The following PCNX2 variants were observed in gnomAD, a reference collection of about 807,000 sequenced individuals.
The protein encoded by PCNX2 is pecanex-like protein 2.
In PCNX2, 168 loss-of-function variants were observed where a neutral mutation model predicts 223.8. That is an observed-to-expected ratio of 0.75 (90% CI 0.66 to 0.85). PCNX2 has a LOEUF of 0.85. Ranked by LOEUF, PCNX2 falls within the 40% of genes least tolerant of loss-of-function variation. The pLI is 0.00. For synonymous variants in PCNX2, 1,006 were observed against 1,052.6 expected, an observed-to-expected ratio of 0.96 and a Z score of 0.86; for missense variants, 2,507 against 2,675.5, an observed-to-expected ratio of 0.94 and a Z score of 1.39.
chr1:232,985,824 T>C, intron 33 of PCNX2: 1 of 602,632 alleles, frequency 1.7e-6, no homozygotes, highest in Non-Finnish European at 3.0e-6. Flanking sequence ...GCCACAGTTC[T>C]GCAGAACCTC....
chr1:233,037,471 C>T (rs1310999758), intron 25 of PCNX2, among the ~76,000 whole-genome samples: 1 of 150,652 alleles, frequency 6.6e-6, no homozygotes, highest in African/African-American at 2.4e-5. Context: ...GCTGGGACCT[C>T]AGGCAGGCAC....
intron 1 of PCNX2, among the ~76,000 whole-genome samples, chr1:233,282,535 G>A (rs997018641): frequency 6.6e-6 from 1 of 151,964 alleles, no homozygotes; most frequent in African/African-American, 2.4e-5. Context: ...CACCTCATAC[G>A]CCTCTGGTTC....
At chr1:233,168,888 TA>T (rs1445660230) in intron 17 of PCNX2, among the ~76,000 whole-genome samples, 1 of 152,120 alleles carries the variant, frequency 6.6e-6, no homozygotes, top group Non-Finnish European at 1.5e-5. Flanking sequence ...TAATGATGTG[TA>T]CAAAAAAAAT....
chr1:233,225,711 C>G (rs749482373), intron 10 of PCNX2, among the ~76,000 whole-genome samples: 1 of 152,126 alleles, frequency 6.6e-6, no homozygotes, highest in Non-Finnish European at 1.5e-5. Flanking sequence ...TCTATAGATA[C>G]ATTTATTTTT....
chr1:233,286,871 CTG>C (rs1463174085), intron 1 of PCNX2, among the ~76,000 whole-genome samples: 2 of 152,198 alleles, frequency 1.3e-5, no homozygotes, highest in Non-Finnish European at 2.9e-5. Flanking sequence ...GCAAGAAAGA[CTG>C]TGCCATCCTC....
chr1:233,122,672 C>T (rs1231893489), intron 21 of PCNX2, among the ~76,000 whole-genome samples: 1 of 151,872 alleles, frequency 6.6e-6, no homozygotes, highest in Non-Finnish European at 1.5e-5. Flanking sequence ...TACAGGTGGC[C>T]GCCACCATGC....
intron 8 of PCNX2, among the ~76,000 whole-genome samples, chr1:233,245,677 G>A (rs1454488079): frequency 6.6e-6 from 1 of 152,204 alleles, no homozygotes; most frequent in Non-Finnish European, 1.5e-5. Context: ...CACTTTGAGA[G>A]GCCAAGGCAG....
At position 233,027,938 on chromosome 1, in the gene PCNX2, G is replaced by A. The variant is rs112707791; in HGVS notation, c.4352-2539C>T. On this transcript the variant is annotated intron_variant, in intron 25 of 33. Coordinates refer to ENST00000258229, the MANE Select transcript of PCNX2 (RefSeq NM_014801.4). ...ATCCCACACATTTTTTATATGCTGCGTTTTGTTTTCATTCAGTTCAGTTAT... is the reference window on the plus strand; with the variant it reads ...ATCCCACACATTTTTTATATGCTGCATTTTGTTTTCATTCAGTTCAGTTAT... Among the ~76,000 whole-genome samples, 477 of 152,184 alleles carry A rather than the reference G, an allele frequency of 3.1e-3. 2 individuals carry two copies. Among genetic ancestry groups the A allele is most frequent in the African/African-American group, 0.01 (430 of 41,522 alleles).
At chr1:233,015,263 A>C (rs543639496) in intron 27 of PCNX2, among the ~76,000 whole-genome samples, 117 of 152,172 alleles carry the variant, frequency 7.7e-4, no homozygotes, top group Non-Finnish European at 1.3e-3. Context: ...AATTAAAGGA[A>C]TCTTTTAGCT....
chr1:233,022,847 G>A (rs1045046067), intron 26 of PCNX2, among the ~76,000 whole-genome samples: 1 of 151,960 alleles, frequency 6.6e-6, no homozygotes, highest in African/African-American at 2.4e-5. Context: ...ACAGGCTTGT[G>A]CCACCACATC....
chr1:233,040,431 A>G (rs1032065701), intron 25 of PCNX2, among the ~76,000 whole-genome samples: 2 of 152,118 alleles, frequency 1.3e-5, no homozygotes, highest in East Asian at 3.8e-4. Context: ...CCTGCAGTCT[A>G]ATTTCCTTGC....
intron 33 of PCNX2, chr1:232,985,075 C>G (rs924907582): frequency 6.6e-6 from 1 of 152,180 alleles, no homozygotes; most frequent in Non-Finnish European, 1.5e-5. Flanking sequence ...GGTCAAACTC[C>G]TGAAGTAACC....
At position 233,188,008 on chromosome 1, in the gene PCNX2, G is replaced by A. The variant is rs537816972; in HGVS notation, c.3067-8833C>T. 4.6e-5 allele frequency among the ~76,000 whole-genome samples: 7 copies of A among 152,282 alleles called. No homozygotes were observed. In the South Asian group the frequency reaches 1.5e-3, roughly 32 times the overall value. On this transcript the variant is annotated intron_variant, in intron 15 of 33. Coordinates refer to ENST00000258229, the MANE Select transcript of PCNX2 (RefSeq NM_014801.4). ...GTCATCATAACCACCAACTATTTAT[G>A]CTAAGAATAGTTATCGTTGGTATTA...
intron 8 of PCNX2, among the ~76,000 whole-genome samples, chr1:233,245,061 T>TGGGCCCC (rs2102977239): frequency 1.3e-5 from 2 of 152,388 alleles, no homozygotes; most frequent in South Asian, 4.1e-4. Context: ...CCGGGTTTCA[T>TGGGCCCC]GGGCCCCAGG....
intron 17 of PCNX2, among the ~76,000 whole-genome samples, chr1:233,165,957 C>T (rs116779722): frequency 0.011 from 1,640 of 152,114 alleles, 31 homozygotes; most frequent in African/African-American, 0.038. Flanking sequence ...TACCTGGTTT[C>T]AAGGTTTATT....
chr1:233,233,836 A>G (rs561074677), intron 9 of PCNX2, among the ~76,000 whole-genome samples: 3 of 152,116 alleles, frequency 2.0e-5, no homozygotes, highest in Admixed American at 6.5e-5. Flanking sequence ...TCCAGGCTCC[A>G]GTAACACTGA....
At chr1:233,290,651 G>T in intron 1 of PCNX2, 2 of 737,066 alleles carry the variant, frequency 2.7e-6, no homozygotes, top group Non-Finnish European at 3.3e-6. Flanking sequence ...TGTGTTGGGT[G>T]CTTACTATTT....
intron 10 of PCNX2, among the ~76,000 whole-genome samples, chr1:233,219,545 T>G (rs1450999079): frequency 6.6e-6 from 1 of 152,124 alleles, no homozygotes; most frequent in African/African-American, 2.4e-5. Flanking sequence ...TACCTGTTTT[T>G]CTACCCCACT....
At chr1:233,188,715 G>A (rs747572549) in intron 15 of PCNX2, among the ~76,000 whole-genome samples, 1 of 152,110 alleles carries the variant, frequency 6.6e-6, no homozygotes, top group Non-Finnish European at 1.5e-5. Context: ...TAGAGATGGG[G>A]TTTCACCATG....
Sources: gnomAD v4.1 joint callset for allele counts (sites outside exome capture counted in the v4.1 genomes callset) on GRCh38, gnomAD v4.1.1 for gene constraint, MANE v1.5 for transcripts, NCBI Gene and HGNC (gene_info 2026-07-23, HGNC 2026-07-21) for gene names.